BRINP3: variants seen among roughly 807,000 people sequenced by gnomAD.
BRINP3 encodes the protein BMP/retinoic acid inducible neural specific 3.
BRINP3 carries 19 observed loss-of-function variants against 71.0 expected under a neutral mutation model. That is an observed-to-expected ratio of 0.27 (90% CI 0.19 to 0.39). The LOEUF (loss-of-function observed/expected upper bound fraction) is 0.39, where lower values mean the gene tolerates loss of function less well. Ranked by LOEUF, BRINP3 falls within the 10% of genes least tolerant of loss-of-function variation. BRINP3 has a pLI of 1.00. For synonymous variants in BRINP3, 380 were observed against 337.7 expected (o/e 1.13, Z -1.37); for missense variants, 959 against 940.8 (o/e 1.02, Z -0.25).
At chr1:190,390,338 A>G (rs1405061932) in intron 2 of BRINP3, among the ~76,000 whole-genome samples, 1 of 151,708 alleles carries the variant, frequency 6.6e-6, no homozygotes, top group Non-Finnish European at 1.5e-5. Context: ...ATTATGAAGC[A>G]ATTATAGATA....
At chr1:190,243,062 C>A (rs1659261387) in intron 4 of BRINP3, among the ~76,000 whole-genome samples, 1 of 152,076 alleles carries the variant, frequency 6.6e-6, no homozygotes, top group Non-Finnish European at 1.5e-5. Flanking sequence ...CCATGTAAAC[C>A]TAGTGAGAGA....
chr1:190,472,007 A>G (rs553086538), intron 1 of BRINP3, among the ~76,000 whole-genome samples: 1 of 151,752 alleles, frequency 6.6e-6, no homozygotes, highest in South Asian at 2.1e-4. Context: ...TGATACTAGC[A>G]TTAAAAAAAA....
rs199959651 is a variant in BRINP3, at chr1:190,442,895, A to C, written c.236+11760T>G. Among the ~76,000 whole-genome samples, 27 of 146,290 alleles carry C rather than the reference A, an allele frequency of 1.8e-4. No individual in the cohort carries two copies. In the East Asian group the frequency reaches 5.3e-3, roughly 29 times the overall value. ...GTGAAATACTTTCAAATATTGTGGAAGTCTCTGTATCTTTTTTTTTTTTTT... is the reference window on the plus strand; with the variant it reads ...GTGAAATACTTTCAAATATTGTGGACGTCTCTGTATCTTTTTTTTTTTTTT... On this transcript the variant is annotated intron_variant, in intron 2 of 7. Transcript: ENST00000367462.
rs539356385 is a variant in BRINP3 at position 190,137,656 on chromosome 1, C to T, written c.1184+23012G>A. Among the ~76,000 whole-genome samples, 9 of 152,088 alleles carry T rather than the reference C, an allele frequency of 5.9e-5. No homozygotes were observed. The South Asian group carries it at 6.2e-4, about 11-fold the overall frequency. ...ATTTCCAGGTTGACAAGAAGTGATACGCCATTTGATCTGGCAATTAGATGG... is the reference window on the plus strand; with the variant it reads ...ATTTCCAGGTTGACAAGAAGTGATATGCCATTTGATCTGGCAATTAGATGG... On this transcript the variant is annotated intron_variant, in intron 7 of 7. Transcript: ENST00000367462.
intron 2 of BRINP3, chr1:190,342,380 A>G (rs1254150328): frequency 6.6e-6 from 1 of 150,876 alleles, no homozygotes; most frequent in African/African-American, 2.4e-5. Context: ...CTGTGCAAAA[A>G]AAAAAAAAAA....
intron 7 of BRINP3, among the ~76,000 whole-genome samples, chr1:190,136,616 G>A (rs972245166): frequency 3.9e-5 from 6 of 152,002 alleles, no homozygotes; most frequent in African/African-American, 1.5e-4. Flanking sequence ...AAATTACCAT[G>A]AGCTTACAAT....
chr1:190,320,307 A>T (rs1489434482), intron 2 of BRINP3, among the ~76,000 whole-genome samples: 1 of 152,038 alleles, frequency 6.6e-6, no homozygotes, highest in Non-Finnish European at 1.5e-5. Context: ...ATTTTTAGTG[A>T]ACCAGTGAGT....
intron 2 of BRINP3, among the ~76,000 whole-genome samples, chr1:190,299,291 A>T (rs1420803534): frequency 6.6e-6 from 1 of 151,930 alleles, no homozygotes; most frequent in East Asian, 1.9e-4. Context: ...TATGTATACC[A>T]TCTCTATTTA....
intron 6 of BRINP3, among the ~76,000 whole-genome samples, chr1:190,171,644 TTAAAA>T (rs1209736193): frequency 7.2e-5 from 11 of 152,166 alleles, no homozygotes; most frequent in Non-Finnish European, 1.3e-4. Flanking sequence ...ATAATAATTA[TTAAAA>T]TAACACTAAT....
chr1:190,444,656 T>TC (rs1675085869), intron 2 of BRINP3, among the ~76,000 whole-genome samples: 1 of 152,000 alleles, frequency 6.6e-6, no homozygotes, highest in African/African-American at 2.4e-5. Flanking sequence ...CGCCTCAGCC[T>TC]CCTGAGTACC....
chr1:190,215,895 C>A (rs531723331), intron 6 of BRINP3, among the ~76,000 whole-genome samples: 26 of 151,514 alleles, frequency 1.7e-4, no homozygotes, highest in Admixed American at 6.6e-4. Context: ...AATGTCATGC[C>A]AAAACATTTG....
At chr1:190,208,467 A>C (rs1655705688) in intron 6 of BRINP3, among the ~76,000 whole-genome samples, 1 of 151,954 alleles carries the variant, frequency 6.6e-6, no homozygotes, top group Admixed American at 6.6e-5. Context: ...AGAACCATGT[A>C]CTTTATTTAT....
At chr1:190,205,862 C>T (rs776442027) in intron 6 of BRINP3, among the ~76,000 whole-genome samples, 1 of 151,946 alleles carries the variant, frequency 6.6e-6, no homozygotes, top group Non-Finnish European at 1.5e-5. Flanking sequence ...GTACCATGGG[C>T]CTCTATTATG....
chr1:190,300,244 T>A (rs1238276669), intron 2 of BRINP3, among the ~76,000 whole-genome samples: 1 of 152,092 alleles, frequency 6.6e-6, no homozygotes, highest in South Asian at 2.1e-4. Flanking sequence ...AGGCTTTGCT[T>A]GTTTCTTTTT....
intron 3 of BRINP3, among the ~76,000 whole-genome samples, chr1:190,279,938 C>T (rs986275489): frequency 2.6e-5 from 4 of 151,916 alleles, no homozygotes; most frequent in African/African-American, 9.6e-5. Flanking sequence ...CTTGTTTATT[C>T]ATTTAACAAA....
intron 2 of BRINP3, among the ~76,000 whole-genome samples, chr1:190,383,044 A>G (rs1183310722): frequency 6.6e-6 from 1 of 152,150 alleles, no homozygotes; most frequent in Non-Finnish European, 1.5e-5. Context: ...GAACTGGTAT[A>G]TGAAAGGAGG....
chr1:190,462,556 T>G (rs1199406766), intron 1 of BRINP3, among the ~76,000 whole-genome samples: 1 of 152,182 alleles, frequency 6.6e-6, no homozygotes, highest in African/African-American at 2.4e-5. Flanking sequence ...GAGATCTCCC[T>G]GACTACCTGT....
chr1:190,355,454 CA>C (rs1402908332), intron 2 of BRINP3, among the ~76,000 whole-genome samples: 3 of 151,674 alleles, frequency 2.0e-5, no homozygotes, highest in Non-Finnish European at 3.0e-5. Context: ...GGCCAAAAAC[CA>C]AAAACAAACA....
intron 6 of BRINP3, among the ~76,000 whole-genome samples, chr1:190,207,203 A>G (rs1655584849): frequency 6.6e-6 from 1 of 152,112 alleles, no homozygotes; most frequent in East Asian, 1.9e-4. Flanking sequence ...GCTTACCGCT[A>G]AATTGTCTGT....
Sources: gnomAD v4.1 joint callset for allele counts (sites outside exome capture counted in the v4.1 genomes callset) on GRCh38, gnomAD v4.1.1 for gene constraint, MANE v1.5 for transcripts, NCBI Gene and HGNC (gene_info 2026-07-23, HGNC 2026-07-21) for gene names.